BRSK2: variants seen among roughly 807,000 people sequenced by gnomAD.
BRSK2 encodes serine/threonine-protein kinase BRSK2.
Under a neutral mutation model 83.3 loss-of-function variants are expected in BRSK2, and 19 were observed. That is an observed-to-expected ratio of 0.23 (90% confidence interval 0.16 to 0.33). The LOEUF (loss-of-function observed/expected upper bound fraction) is 0.33, where lower values mean the gene tolerates loss of function less well. Among genes scored for constraint, BRSK2 ranks in the 10% least tolerant of loss-of-function variants. The pLI is 1.00. For synonymous variants in BRSK2, 519 were observed against 435.4 expected, an observed-to-expected ratio of 1.19 and a Z score of -2.39; for missense variants, 798 against 1,042.3, an observed-to-expected ratio of 0.77 and a Z score of 3.23.
Position 1,440,917 on chromosome 11 carries a change from C to T in BRSK2, c.402C>T (p.Ser134=), listed in dbSNP as rs1301208869. ...TCTCTGCGCTGGACTTCTGCCACAG[C>T]CACTCCATATGGTGAGGCCCCACCC... The part of the protein sequence containing the change: ...QIISALDFCH[S]HSICHRDLKP... Residue 134 remains serine, a synonymous_variant, in exon 4 of 20, where the codon AGC becomes AGT. Coordinates refer to ENST00000528841, the MANE Select transcript of BRSK2 (RefSeq NM_001256627.2). 1.9e-6 allele frequency: 3 copies of T among 1,608,810 alleles called. No individual in the cohort carries two copies. Among genetic ancestry groups the T allele is most frequent in the South Asian group, 2.2e-5 (2 of 90,768 alleles).
At chr11:1,441,370 G>A (rs1227111097) in intron 4 of BRSK2, among the ~76,000 whole-genome samples, 12 of 28,798 alleles carry the variant, frequency 4.2e-4, no homozygotes, top group Non-Finnish European at 5.9e-4. Context: ...CAAGTGCACC[G>A]TGCCCCCCAT....
intron 1 of BRSK2, among the ~76,000 whole-genome samples, chr11:1,397,542 C>T (rs1444069953): frequency 6.6e-6 from 1 of 152,238 alleles, no homozygotes; most frequent in Non-Finnish European, 1.5e-5. Context: ...CCACGGAGGC[C>T]GTGGCTGCCC....
intron 1 of BRSK2, among the ~76,000 whole-genome samples, chr11:1,416,015 G>A (rs1438330114): frequency 6.6e-6 from 1 of 152,282 alleles, no homozygotes; most frequent in Non-Finnish European, 1.5e-5. Context: ...AACCAGGCAA[G>A]CTGAACCAAG....
At chr11:1,453,539 G>T (rs186269796) in intron 15 of BRSK2, among the ~76,000 whole-genome samples, 3 of 152,240 alleles carry the variant, frequency 2.0e-5, no homozygotes, top group Admixed American at 2.0e-4. Flanking sequence ...ACAGACAGCC[G>T]CCGAGACCGG....
intron 1 of BRSK2, among the ~76,000 whole-genome samples, chr11:1,412,512 A>T (rs1456004670): frequency 7.5e-6 from 1 of 132,898 alleles, no homozygotes; most frequent in African/African-American, 2.7e-5. Flanking sequence ...TGATTGGTGA[A>T]CTCTGAGCTG....
chr11:1,460,739 C>T lies in BRSK2; in HGVS notation c.*16C>T, dbSNP rs760670475. 6.9e-5 allele frequency: 97 copies of T among 1,410,370 alleles called. 1 individual carries two copies. The highest frequency in any genetic ancestry group is 2.4e-4 in the East Asian group (9 of 37,086). The allele number at this position is 1,410,370 out of a possible 1,614,324, so 87.4% of individuals were successfully genotyped here. A position where few individuals can be genotyped will look rare whatever the true frequency, so the allele number is the denominator to read the frequency against. On this transcript the variant is annotated 3_prime_UTR_variant, in exon 20 of 20. Transcript: ENST00000528841. ...GCAGCCTTAGACACACTAGCCCCCC[C>T]CCCCAGCACAGCACTGACAGCGGCT... is the stretch of plus-strand genomic sequence containing the variant.
At chr11:1,425,122 C>T (rs2132887132) in intron 1 of BRSK2, among the ~76,000 whole-genome samples, 1 of 152,362 alleles carries the variant, frequency 6.6e-6, no homozygotes, top group African/African-American at 2.4e-5. Flanking sequence ...CTGACGTCTG[C>T]ATCGTCCTGC....
chr11:1,438,267 G>T lies in BRSK2; in HGVS notation c.187-39G>T. 6.3e-7 allele frequency: 1 copy of T among 1,599,946 alleles called. No individual in the cohort carries two copies. On this transcript the variant is annotated intron_variant, in intron 2 of 19. Transcript: ENST00000528841. This position sits in a 1 kb window ranked among gnomAD's most constrained non-coding sequence, Gnocchi z 6.4. ...TCTGTGGGGAGCGATGCGTGCCCCAGCCCTGTGAGCGTGATGTTCTCTGGC... is the reference window on the plus strand; with the variant it reads ...TCTGTGGGGAGCGATGCGTGCCCCATCCCTGTGAGCGTGATGTTCTCTGGC...
Position 1,454,458 on chromosome 11 carries a change from TCA to T in BRSK2, c.1545-24_1545-23del. 23 of 1,611,906 alleles carry T rather than the reference TCA, an allele frequency of 1.4e-5. No homozygotes were observed. Among genetic ancestry groups the T allele is most frequent in the Non-Finnish European group, 2.0e-5 (23 of 1,179,446 alleles). On this transcript the variant is annotated intron_variant, in intron 15 of 19. Coordinates refer to ENST00000528841, the MANE Select transcript of BRSK2 (RefSeq NM_001256627.2). The surrounding 1 kb of genome is among the most constrained non-coding windows in gnomAD (Gnocchi z 5.2). The stretch of plus-strand genomic sequence containing the variant: ...TGTGGACGGTGCCACACCTCAATCC[TCA>T]CAGCCTCTGTCTCCCACTGCCCAGG...
rs1847354330 is a variant in BRSK2, at chr11:1,460,619, G to A, written c.2107G>A (p.Asp703Asn). The A allele has an allele frequency of 6.5e-7, 1 of 1,531,068 alleles. No individual in the cohort carries two copies. The highest frequency in any genetic ancestry group is 8.7e-7 in the Non-Finnish European group (1 of 1,143,894). 94.8% of individuals were successfully genotyped at this position (1,531,068 alleles called of 1,614,324 possible). The change falls in exon 20 of 20, where the codon GAC becomes AAC. Residue 703 changes from aspartate to asparagine, a missense_variant. Coordinates refer to ENST00000528841, the MANE Select transcript of BRSK2 (RefSeq NM_001256627.2). ...GCGGAGTGCCCACGGCCCACTCGGT[G>A]ACTCCGCGGCCGCTGGCCCTGGCCC... is the stretch of plus-strand genomic sequence containing the variant. ...AKRSAHGPLG[D>N]SAAAGPGPGG... is the part of the protein sequence containing the mutation.
chr11:1,435,566 CCGGTGGGGGTCTCGGCGGAGGAGGGGTGT>C (rs1564837894), intron 1 of BRSK2, among the ~76,000 whole-genome samples: 123 of 55,498 alleles, frequency 2.2e-3, no homozygotes, highest in African/African-American at 5.3e-3. Flanking sequence ...AGGAGGGGTG[CCGGTGGGGGTCTCGGCGGAGGAGGGGTGT>C]CGGTGGGGGT....
chr11:1,391,399 G>GC (rs1481742795), intron 1 of BRSK2, among the ~76,000 whole-genome samples: 1 of 152,238 alleles, frequency 6.6e-6, no homozygotes, highest in Non-Finnish European at 1.5e-5. Context: ...TGGAGGCTCA[G>GC]CCCCTCACGG....
chr11:1,409,941 G>C (rs1398011079), intron 1 of BRSK2: 2 of 132,168 alleles, frequency 1.5e-5, no homozygotes, highest in East Asian at 4.6e-4. Context: ...CGTCGGCCTC[G>C]CAGAGCGGTG....
At chr11:1,427,801 C>T (rs1849426346) in intron 1 of BRSK2, among the ~76,000 whole-genome samples, 1 of 152,214 alleles carries the variant, frequency 6.6e-6, no homozygotes, top group African/African-American at 2.4e-5. Context: ...CTTCCCCGCT[C>T]CAGCTTCCAG....
chr11:1,449,524 T>C (rs932463772), intron 12 of BRSK2, among the ~76,000 whole-genome samples: 1 of 152,206 alleles, frequency 6.6e-6, no homozygotes, highest in Non-Finnish European at 1.5e-5. Context: ...CCGTATCCTG[T>C]GCTGTGCCTG....
chr11:1,447,370 G>T (rs538903636), intron 12 of BRSK2, among the ~76,000 whole-genome samples: 2 of 152,132 alleles, frequency 1.3e-5, no homozygotes, highest in Non-Finnish European at 2.9e-5. Context: ...GTGGGAGGCC[G>T]CCCTCTTGGC....
At chr11:1,417,060 G>A (rs1432038053) in intron 1 of BRSK2, among the ~76,000 whole-genome samples, 1 of 152,210 alleles carries the variant, frequency 6.6e-6, no homozygotes, top group Non-Finnish European at 1.5e-5. Context: ...TCGGGAGGCT[G>A]AGGCAGGAGA....
intron 3 of BRSK2, among the ~76,000 whole-genome samples, chr11:1,440,534 C>T (rs1851070731): frequency 6.6e-6 from 1 of 152,144 alleles, no homozygotes; most frequent in Non-Finnish European, 1.5e-5. Context: ...CATCCCTTCA[C>T]CTGTCCCTCC....
At chr11:1,408,826 T>TGG (rs1564801526) in intron 1 of BRSK2, among the ~76,000 whole-genome samples, 3 of 150,788 alleles carry the variant, frequency 2.0e-5, no homozygotes, top group African/African-American at 7.4e-5. Context: ...TGTGTGTGTG[T>TGG]GTGTGTGTGG....
Sources: gnomAD v4.1 joint callset for allele counts (sites outside exome capture counted in the v4.1 genomes callset) on GRCh38, gnomAD v4.1.1 for gene constraint, Gnocchi (gnomAD v3.1) non-coding constraint, MANE v1.5 for transcripts, NCBI Gene and HGNC (gene_info 2026-07-23, HGNC 2026-07-21) for gene names.